The following SYNE1 variants were observed in gnomAD, a reference collection of about 807,000 sequenced individuals.
The protein encoded by SYNE1 is spectrin repeat containing nuclear envelope protein 1, also known as nesprin-1.
In SYNE1, 616 loss-of-function variants were observed where a neutral mutation model predicts 1,111.0. The observed-to-expected ratio is 0.55, with a 90% CI of 0.52 to 0.59. The LOEUF is 0.59. Ranked by LOEUF, SYNE1 falls within the 20% of genes least tolerant of loss-of-function variation. The probability of loss-of-function intolerance (pLI) is 0.00; values close to 1 mark genes in which losing one functional copy is unlikely to be tolerated. For synonymous variants in SYNE1, 3,855 were observed against 3,825.8 expected (o/e 1.01, Z -0.28); for missense variants, 10,006 against 10,417.0 (o/e 0.96, Z 1.72).
chr6:152,460,060 T>C (rs901377344), intron 21 of SYNE1, among the ~76,000 whole-genome samples: 1 of 152,150 alleles, frequency 6.6e-6, no homozygotes. Flanking sequence ...TGATCTCTCC[T>C]GGGTAGAAGA....
rs1317216026 is a variant in SYNE1, at chr6:152,224,533, G to C, written c.21483C>G (p.Gly7161=). ...YSLSRFRLLT[G]SLEAVQVQVD... is the part of the protein sequence containing the mutation. ...CCTGAACTTGCACAGCTTCTAAGGAGCCAGTCAGCAGACGGAATCGGGAAA... is the reference window on the plus strand; with the variant it reads ...CCTGAACTTGCACAGCTTCTAAGGACCCAGTCAGCAGACGGAATCGGGAAA... Residue 7161 remains glycine (G), a synonymous_variant, in exon 117 of 146, where the codon GGC becomes GGG. Coordinates refer to ENST00000367255, the MANE Select transcript of SYNE1 (RefSeq NM_182961.4). 7.4e-6 allele frequency: 12 copies of C among 1,613,912 alleles called. No individual in the cohort carries two copies. The highest frequency in any genetic ancestry group is 1.3e-5 in the African/African-American group (1 of 74,908).
intron 43 of SYNE1, 27 bp downstream of exon 43, chr6:152,409,532 C>G: frequency 1.2e-6 from 2 of 1,611,854 alleles, no homozygotes; most frequent in Non-Finnish European, 1.7e-6. Flanking sequence ...AAGCAGAATA[C>G]CAACATAAAC....
intron 114 of SYNE1, among the ~76,000 whole-genome samples, chr6:152,230,945 A>G (rs2082629705): frequency 6.6e-6 from 1 of 151,926 alleles, no homozygotes; most frequent in African/African-American, 2.4e-5. Flanking sequence ...GACGATCTAA[A>G]AAAAAAAAAA....
At chr6:152,138,867 G>A (rs1378702850) in intron 140 of SYNE1, among the ~76,000 whole-genome samples, 1 of 152,220 alleles carries the variant, frequency 6.6e-6, no homozygotes, top group Non-Finnish European at 1.5e-5. Flanking sequence ...TAGAGCTGGA[G>A]TTAAGGTGTA....
intron 3 of SYNE1, among the ~76,000 whole-genome samples, chr6:152,623,359 T>C (rs772920439): frequency 1.3e-5 from 2 of 152,004 alleles, no homozygotes; most frequent in Non-Finnish European, 2.9e-5. Context: ...TCAAGATATA[T>C]ACAAAAATTA....
chr6:152,550,935 A>G (rs577711088), intron 3 of SYNE1, among the ~76,000 whole-genome samples: 1 of 152,266 alleles, frequency 6.6e-6, no homozygotes, highest in South Asian at 2.1e-4. Context: ...GTGCACTCAG[A>G]GAGTAATAAT....
rs764423220 is a variant in SYNE1, at chr6:152,428,353, T to A, written c.4828A>T (p.Thr1610Ser). 2.5e-6 allele frequency: 4 copies of A among 1,614,028 alleles called. No homozygotes were observed. The South Asian group carries it at 4.4e-5, about 18-fold the overall frequency. ...TTCCTGGCACTGGCTGAGAAGGCAG[T>A]GATCGCGCTGCTCAGTGACTCCAGG... is the stretch of plus-strand genomic sequence containing the variant. ...QALESLSSAI[T>S]AFSASARKVV... is the part of the protein sequence containing the mutation. The change falls in exon 37 of 146, where the codon ACT becomes TCT. Residue 1610 changes from threonine to serine, a missense_variant. Thr to Ser is a moderately conservative substitution (Grantham distance 58, BLOSUM62 1). This residue lies in a region of SYNE1 where 1,971 missense variants were observed against 2,084.1 expected (regional missense o/e 0.95). Coordinates refer to ENST00000367255, the MANE Select transcript of SYNE1 (RefSeq NM_182961.4).
intron 51 of SYNE1, among the ~76,000 whole-genome samples, chr6:152,393,698 A>G (rs1377910465): frequency 6.6e-6 from 1 of 152,172 alleles, no homozygotes; most frequent in African/African-American, 2.4e-5. Flanking sequence ...ACAAGTAGTT[A>G]TCAGCATGGG....
chr6:152,573,315 A>G (rs2099476939), intron 3 of SYNE1, among the ~76,000 whole-genome samples: 3 of 135,256 alleles, frequency 2.2e-5, no homozygotes, highest in South Asian at 2.5e-4. Context: ...TATATCTCCT[A>G]ATGCTATCCC....
At chr6:152,187,672 T>G (rs2070598397) in intron 128 of SYNE1, among the ~76,000 whole-genome samples, 1 of 152,184 alleles carries the variant, frequency 6.6e-6, no homozygotes, top group African/African-American at 2.4e-5. Context: ...TTTCCTTTAT[T>G]CCTTGCCATC....
intron 2 of SYNE1, among the ~76,000 whole-genome samples, chr6:152,636,050 G>C (rs1294104647): frequency 1.3e-5 from 2 of 152,174 alleles, no homozygotes; most frequent in Non-Finnish European, 2.9e-5. Flanking sequence ...AGCAATGCAA[G>C]ATCTCTCTAT....
chr6:152,577,369 G>A (rs2099500926), intron 3 of SYNE1, among the ~76,000 whole-genome samples: 1 of 152,076 alleles, frequency 6.6e-6, no homozygotes, highest in African/African-American at 2.4e-5. Flanking sequence ...GCGGTGGCTC[G>A]CACCTGTAAT....
intron 95 of SYNE1, among the ~76,000 whole-genome samples, chr6:152,285,507 T>C (rs1042312615): frequency 6.6e-6 from 1 of 152,192 alleles, no homozygotes; most frequent in African/African-American, 2.4e-5. Context: ...AACTTGTTAC[T>C]ACACTCGTGT....
chr6:152,608,190 T>A (rs1328019692), intron 3 of SYNE1, among the ~76,000 whole-genome samples: 1 of 152,102 alleles, frequency 6.6e-6, no homozygotes, highest in Non-Finnish European at 1.5e-5. Context: ...TAAAAAACAT[T>A]AAAGTGATGA....
At chr6:152,626,367 T>C (rs928850626) in intron 3 of SYNE1, among the ~76,000 whole-genome samples, 1 of 152,196 alleles carries the variant, frequency 6.6e-6, no homozygotes, top group Non-Finnish European at 1.5e-5. Context: ...CCCCACACTT[T>C]TGTAAGGGAC....
chr6:152,487,569 T>C (rs2098947491), intron 12 of SYNE1, among the ~76,000 whole-genome samples: 1 of 152,224 alleles, frequency 6.6e-6, no homozygotes, highest in South Asian at 2.1e-4. Context: ...TTAATGACAC[T>C]GTAGTCAGAC....
At chr6:152,591,832 C>CA (rs1235939580) in intron 3 of SYNE1, among the ~76,000 whole-genome samples, 1 of 151,010 alleles carries the variant, frequency 6.6e-6, no homozygotes. Flanking sequence ...ATAAAATAAA[C>CA]AAAAAACCCC....
Position 152,331,036 on chromosome 6 carries a change from C to A in SYNE1, c.13649G>T (p.Cys4550Phe), listed in dbSNP as rs1267785781. 12 of 1,614,022 alleles carry A rather than the reference C, an allele frequency of 7.4e-6. No individual in the cohort carries two copies. Among genetic ancestry groups the A allele is most frequent in the Non-Finnish European group, 1.0e-5 (12 of 1,180,044 alleles). ...QSVYDSVLQK[C>F]SHRLQELEKN... ...CTCTAGTTCTTGTAACCGGTGACTG[C>A]ACTTTTGTAAAACACTGTCATAGAC... The change falls in exon 78 of 146, where the codon TGC becomes TTC. Residue 4550 changes from cysteine to phenylalanine, a missense_variant. Around this residue, in one of 7 missense-constraint regions of SYNE1, gnomAD observed 4,955 missense variants for 5,017.2 expected, o/e 0.99. Coordinates refer to ENST00000367255, the MANE Select transcript of SYNE1 (RefSeq NM_182961.4).
At chr6:152,632,872 C>T (rs1429627069) in intron 2 of SYNE1, among the ~76,000 whole-genome samples, 1 of 152,116 alleles carries the variant, frequency 6.6e-6, no homozygotes, top group Admixed American at 6.5e-5. Context: ...TTTCCATTTT[C>T]CTTCCCCTGT....
Sources: gnomAD v4.1 joint callset for allele counts (sites outside exome capture counted in the v4.1 genomes callset) on GRCh38, gnomAD v4.1.1 for gene constraint, gnomAD v4.1.1 regional missense constraint, MANE v1.5 for transcripts, NCBI Gene and HGNC (gene_info 2026-07-23, HGNC 2026-07-21) for gene names.